Variants in KIAA1328 observed in about 807,000 individuals in gnomAD.
The protein encoded by KIAA1328 is KIAA1328.
A neutral mutation model predicts 68.1 loss-of-function variants in KIAA1328; 52 were observed. The ratio of observed to expected loss-of-function variants is 0.76; its 90% CI spans 0.61 to 0.96. The LOEUF is 0.96. Among genes scored for constraint, KIAA1328 ranks in the 40% least tolerant of loss-of-function variants. The pLI is 0.00. For missense variants in KIAA1328, 641 were observed against 677.6 expected (o/e 0.95, Z 0.60); for synonymous variants, 232 against 239.4 (o/e 0.97, Z 0.28).
intron 9 of KIAA1328, among the ~76,000 whole-genome samples, chr18:37,210,778 C>A (rs1298552808): frequency 1.3e-5 from 2 of 152,138 alleles, no homozygotes; most frequent in Non-Finnish European, 2.9e-5. Context: ...ATATATAATT[C>A]TTGTATTAAA....
At chr18:37,059,810 T>C (rs1216472167) in intron 6 of KIAA1328, among the ~76,000 whole-genome samples, 7 of 152,078 alleles carry the variant, frequency 4.6e-5, no homozygotes, top group South Asian at 2.1e-4. Flanking sequence ...CAGTGATAGA[T>C]TGGATAAAGA....
At chr18:36,974,372 A>G (rs2052376638) in intron 6 of KIAA1328, among the ~76,000 whole-genome samples, 1 of 152,088 alleles carries the variant, frequency 6.6e-6, no homozygotes, top group African/African-American at 2.4e-5. Flanking sequence ...CACATTATCT[A>G]GCTCTCATTT....
chr18:37,196,131 G>T (rs1321818391), intron 9 of KIAA1328, among the ~76,000 whole-genome samples: 3 of 152,126 alleles, frequency 2.0e-5, no homozygotes, highest in East Asian at 3.9e-4. Flanking sequence ...ATTTTTGAAT[G>T]TTGAATTTGT....
chr18:36,891,491 C>T (rs560832300), intron 5 of KIAA1328, among the ~76,000 whole-genome samples: 24 of 152,236 alleles, frequency 1.6e-4, no homozygotes, highest in African/African-American at 5.1e-4. Flanking sequence ...CCCCAAAGTC[C>T]GTTATATCAT....
intron 7 of KIAA1328, among the ~76,000 whole-genome samples, chr18:37,098,297 T>C (rs905886229): frequency 6.6e-6 from 1 of 152,238 alleles, no homozygotes; most frequent in Non-Finnish European, 1.5e-5. Flanking sequence ...TTGTTGAATT[T>C]TGTCAAAGGC....
chr18:36,986,280 G>A (rs941846847), intron 6 of KIAA1328, among the ~76,000 whole-genome samples: 23 of 152,086 alleles, frequency 1.5e-4, no homozygotes, highest in Admixed American at 9.8e-4. Flanking sequence ...CTACTGATAC[G>A]TTCAGTAACA....
At chr18:36,980,519 C>G (rs2052641798) in intron 6 of KIAA1328, among the ~76,000 whole-genome samples, 2 of 152,164 alleles carry the variant, frequency 1.3e-5, no homozygotes, top group Admixed American at 1.3e-4. Flanking sequence ...TGGCTGCTTC[C>G]ACAACAATTG....
At chr18:37,035,951 C>T (rs1277681705) in intron 6 of KIAA1328, among the ~76,000 whole-genome samples, 1 of 152,174 alleles carries the variant, frequency 6.6e-6, no homozygotes, top group African/African-American at 2.4e-5. Flanking sequence ...TTCCTTACTA[C>T]TTCTCCATGC....
chr18:36,964,946 T>C (rs1486455505), intron 6 of KIAA1328, among the ~76,000 whole-genome samples: 1 of 152,036 alleles, frequency 6.6e-6, no homozygotes, highest in Non-Finnish European at 1.5e-5. Context: ...TGCTCATAAC[T>C]TCCTTTTTTG....
At chr18:37,229,525 G>A, downstream of KIAA1328, 1 of 1,263,050 alleles carries the variant, frequency 7.9e-7, no homozygotes, top group Non-Finnish European at 1.0e-6. Flanking sequence ...AACTGGGGTG[G>A]GAGGGTCATT....
chr18:36,894,341 A>C (rs1161547211), intron 5 of KIAA1328, among the ~76,000 whole-genome samples: 1 of 152,086 alleles, frequency 6.6e-6, no homozygotes, highest in African/African-American at 2.4e-5. Flanking sequence ...TGTTTAAGCA[A>C]TTTTCTTATA....
chr18:37,201,488 A>G (rs1348820560), intron 9 of KIAA1328, among the ~76,000 whole-genome samples: 1 of 152,156 alleles, frequency 6.6e-6, no homozygotes, highest in African/African-American at 2.4e-5. Context: ...TTCTCTCTCC[A>G]GTTCCCCTTT....
At position 37,225,063 on chromosome 18, in the gene KIAA1328, G is replaced by A. The variant is rs1213255922; in HGVS notation, c.*2836G>A. The A allele has an allele frequency of 1.0e-6, 1 of 985,256 alleles. No individual in the cohort carries two copies. Among genetic ancestry groups the A allele is most frequent in the Non-Finnish European group, 1.2e-6 (1 of 829,904 alleles). The allele number at this position is 985,256 out of a possible 1,614,324, so 61.0% of individuals were successfully genotyped here. A position where few individuals can be genotyped will look rare whatever the true frequency, so the allele number is the denominator to read the frequency against. ...CACCCCAAATGTCATGGGGAGAGAGGGACTCTTTCTGCTCCCTCAGAGCTA... is the reference window on the plus strand; with the variant it reads ...CACCCCAAATGTCATGGGGAGAGAGAGACTCTTTCTGCTCCCTCAGAGCTA... On this transcript the variant is annotated 3_prime_UTR_variant, in exon 10 of 10. Transcript: ENST00000280020.
At chr18:36,856,368 C>G (rs1427811330) in intron 4 of KIAA1328, among the ~76,000 whole-genome samples, 1 of 152,060 alleles carries the variant, frequency 6.6e-6, no homozygotes, top group Non-Finnish European at 1.5e-5. Context: ...TTCACTTTTT[C>G]TTTCTGCTCC....
chr18:37,105,320 C>A (rs1462510723), intron 7 of KIAA1328, among the ~76,000 whole-genome samples: 2 of 152,030 alleles, frequency 1.3e-5, no homozygotes, highest in African/African-American at 4.8e-5. Flanking sequence ...CTGAGCAACA[C>A]AGGAAGACCC....
chr18:36,857,876 G>T (rs1601012474), intron 4 of KIAA1328, among the ~76,000 whole-genome samples: 1 of 151,956 alleles, frequency 6.6e-6, no homozygotes, highest in Non-Finnish European at 1.5e-5. Context: ...TATGATTTTG[G>T]CCTTTCTATA....
intron 7 of KIAA1328, among the ~76,000 whole-genome samples, chr18:37,107,664 G>A (rs1287265046): frequency 6.6e-6 from 1 of 152,112 alleles, no homozygotes; most frequent in Non-Finnish European, 1.5e-5. Context: ...TTTAGCCTGG[G>A]CATTGTTGGT....
intron 4 of KIAA1328, among the ~76,000 whole-genome samples, chr18:36,844,956 G>A (rs1241738488): frequency 1.3e-5 from 2 of 151,786 alleles, no homozygotes; most frequent in African/African-American, 2.4e-5. Context: ...GTTGATAAAA[G>A]TTGATAAAAT....
At chr18:36,862,795 AG>A (rs2047608733) in intron 4 of KIAA1328, among the ~76,000 whole-genome samples, 1 of 152,174 alleles carries the variant, frequency 6.6e-6, no homozygotes, top group African/African-American at 2.4e-5. Flanking sequence ...CAGCAATGTA[AG>A]AGGTCTTCTT....
Sources: gnomAD v4.1 joint callset for allele counts (sites outside exome capture counted in the v4.1 genomes callset) on GRCh38, gnomAD v4.1.1 for gene constraint, MANE v1.5 for transcripts, NCBI Gene and HGNC (gene_info 2026-07-23, HGNC 2026-07-21) for gene names.